Variants in PHF24 observed in about 807,000 individuals in gnomAD.
PHF24 encodes the protein PHD finger protein 24, also known as Galpha inhibitory interacting protein.
In PHF24, 25 loss-of-function variants were observed where a neutral mutation model predicts 42.6. The observed-to-expected ratio is 0.59, with a 90% confidence interval of 0.43 to 0.82. PHF24 has a LOEUF of 0.82. Ranked by LOEUF, PHF24 falls within the 40% of genes least tolerant of loss-of-function variation. The pLI is 0.00. For missense variants in PHF24, 470 were observed against 538.1 expected (o/e 0.87, Z 1.25); for synonymous variants, 185 against 204.8 (o/e 0.90, Z 0.83).
At chr9:34,939,305 G>A in the PHF24 span, among the ~76,000 whole-genome samples, 6 of 152,068 alleles carry the variant, frequency 3.9e-5, no homozygotes, top group African/African-American at 1.4e-4. Flanking sequence ...TAAAATAATG[G>A]GTAAATTTAT....
chr9:34,806,940 T>A, the PHF24 span, among the ~76,000 whole-genome samples: 1 of 152,182 alleles, frequency 6.6e-6, no homozygotes, highest in African/African-American at 2.4e-5. Context: ...TTCTAACAGG[T>A]TGTTTAAGTG....
the PHF24 span, among the ~76,000 whole-genome samples, chr9:34,687,178 C>T: frequency 2.0e-5 from 3 of 152,278 alleles, no homozygotes; most frequent in South Asian, 4.1e-4. Context: ...CAGATTTCCT[C>T]CAAGTTCTTC....
the PHF24 span, among the ~76,000 whole-genome samples, chr9:34,670,633 A>G: frequency 4.6e-5 from 7 of 152,208 alleles, no homozygotes; most frequent in African/African-American, 1.7e-4. Flanking sequence ...AGTTTGCACT[A>G]TTACCATTAG....
chr9:34,702,994 A>G, the PHF24 span, among the ~76,000 whole-genome samples: 2 of 152,212 alleles, frequency 1.3e-5, no homozygotes, highest in African/African-American at 4.8e-5. Flanking sequence ...AAAGAAAAAG[A>G]ACTTCACAAA....
intron 1 of PHF24, among the ~76,000 whole-genome samples, chr9:34,970,644 CA>C (rs1218982410): frequency 6.6e-6 from 1 of 152,192 alleles, no homozygotes; most frequent in African/African-American, 2.4e-5. Flanking sequence ...TTTCTTGTCT[CA>C]AAAGGCCTGA....
At chr9:34,819,730 G>A in the PHF24 span, among the ~76,000 whole-genome samples, 1 of 152,160 alleles carries the variant, frequency 6.6e-6, no homozygotes, top group South Asian at 2.1e-4. Context: ...TGTGGTATAT[G>A]ATGCTAACTG....
the PHF24 span, among the ~76,000 whole-genome samples, chr9:34,813,290 A>G: frequency 6.6e-6 from 1 of 152,174 alleles, no homozygotes; most frequent in African/African-American, 2.4e-5. Flanking sequence ...TGCTACCCAC[A>G]TATGCATTGC....
chr9:34,740,262 G>T, the PHF24 span, among the ~76,000 whole-genome samples: 5 of 152,232 alleles, frequency 3.3e-5, no homozygotes, highest in Non-Finnish European at 7.3e-5. Flanking sequence ...GGTGGTCGAT[G>T]GGACTGGGCG....
the PHF24 span, among the ~76,000 whole-genome samples, chr9:34,684,945 G>A: frequency 6.6e-6 from 1 of 152,034 alleles, no homozygotes; most frequent in Non-Finnish European, 1.5e-5. Context: ...AGGGTGGGGA[G>A]GCCTGATTCC....
the PHF24 span, among the ~76,000 whole-genome samples, chr9:34,930,067 G>A: frequency 6.6e-6 from 1 of 152,138 alleles, no homozygotes; most frequent in African/African-American, 2.4e-5. Context: ...CTTCTCTTTT[G>A]CAAGTGAAAT....
chr9:34,679,444 A>G, the PHF24 span, among the ~76,000 whole-genome samples: 2 of 152,232 alleles, frequency 1.3e-5, no homozygotes, highest in African/African-American at 4.8e-5. Flanking sequence ...GTGGATCACT[A>G]TAGCATTAAG....
chr9:34,856,168 C>T, the PHF24 span, among the ~76,000 whole-genome samples: 2 of 152,170 alleles, frequency 1.3e-5, no homozygotes, highest in African/African-American at 4.8e-5. Context: ...GTTATCAGTT[C>T]CTGTATTGTT....
chr9:34,966,580 A>AC (rs35222365), intron 1 of PHF24, among the ~76,000 whole-genome samples: 33,256 of 146,630 alleles, frequency 0.23, 4,279 homozygotes, highest in Non-Finnish European at 0.3. Context: ...ATATGGCGAG[A>AC]CCCCCCCCCT....
At chr9:34,791,831 C>T in the PHF24 span, among the ~76,000 whole-genome samples, 2 of 152,242 alleles carry the variant, frequency 1.3e-5, no homozygotes, top group East Asian at 3.9e-4. Context: ...TTTGGTGGGC[C>T]ACCCAAGAGC....
chr9:34,838,593 C>T, the PHF24 span: 18 of 742,994 alleles, frequency 2.4e-5, no homozygotes, highest in South Asian at 2.9e-4. Flanking sequence ...TCATATCCAC[C>T]TCACAGAGGA....
the PHF24 span, among the ~76,000 whole-genome samples, chr9:34,883,660 A>G: frequency 3.9e-5 from 6 of 152,240 alleles, no homozygotes; most frequent in African/African-American, 7.2e-5. Context: ...CAATACCACA[A>G]TGAGATACCA....
the PHF24 span, among the ~76,000 whole-genome samples, chr9:34,667,250 A>G: frequency 6.6e-6 from 1 of 152,158 alleles, no homozygotes. Flanking sequence ...ACCAGAAATA[A>G]GTGGGGTGAA....
At chr9:34,865,143 C>CA in the PHF24 span, among the ~76,000 whole-genome samples, 55,403 of 102,552 alleles carry the variant, frequency 0.54, 12,753 homozygotes, top group East Asian at 0.68. Flanking sequence ...TGCGCCACTG[C>CA]AAAAAAAAAA....
the PHF24 span, among the ~76,000 whole-genome samples, chr9:34,851,359 T>C: frequency 1.3e-5 from 2 of 152,176 alleles, no homozygotes; most frequent in Non-Finnish European, 2.9e-5. Flanking sequence ...CTCAGACTGC[T>C]GTGCTAGCAA....
Sources: allele counts gnomAD v4.1 joint callset (sites outside exome capture counted in the v4.1 genomes callset), GRCh38; gene constraint gnomAD v4.1.1; transcripts MANE v1.5; gene names NCBI Gene and HGNC (gene_info 2026-07-23, HGNC 2026-07-21).